The following CPQ variants were observed in gnomAD, a reference collection of about 807,000 sequenced individuals.
CPQ encodes carboxypeptidase Q.
Under a neutral mutation model 45.7 loss-of-function variants are expected in CPQ, and 37 were observed. The observed-to-expected ratio is 0.81, with a 90% CI of 0.62 to 1.07. The LOEUF (loss-of-function observed/expected upper bound fraction) is 1.07, where lower values mean the gene tolerates loss of function less well. Ranked by LOEUF, CPQ falls within the 50% of genes least tolerant of loss-of-function variation. The pLI is 0.00. For synonymous variants in CPQ, 186 were observed against 205.8 expected (o/e 0.90, Z 0.82); for missense variants, 537 against 572.9 (o/e 0.94, Z 0.64).
intron 1 of CPQ, among the ~76,000 whole-genome samples, chr8:96,723,406 G>T (rs1000770591): frequency 6.6e-6 from 1 of 152,132 alleles, no homozygotes. Context: ...ATGGAGTATT[G>T]TTATTTAGAG....
chr8:97,049,597 G>A (rs1171575095), intron 6 of CPQ, among the ~76,000 whole-genome samples: 1 of 152,156 alleles, frequency 6.6e-6, no homozygotes, highest in Non-Finnish European at 1.5e-5. Context: ...CATTGAGATG[G>A]GTTAGAAGGT....
At chr8:96,980,188 A>T (rs1197180629) in intron 5 of CPQ, among the ~76,000 whole-genome samples, 3 of 152,182 alleles carry the variant, frequency 2.0e-5, no homozygotes, top group Non-Finnish European at 4.4e-5. Context: ...GCTGGAGTGC[A>T]GTGGCACAAT....
intron 5 of CPQ, among the ~76,000 whole-genome samples, chr8:96,994,757 TG>T (rs1314943512): frequency 1.2e-4 from 18 of 152,092 alleles, no homozygotes. Flanking sequence ...GAGTAATTTT[TG>T]ATAGTACCCC....
At chr8:96,767,283 C>T (rs1810479532) in intron 1 of CPQ, among the ~76,000 whole-genome samples, 1 of 152,160 alleles carries the variant, frequency 6.6e-6, no homozygotes, top group Non-Finnish European at 1.5e-5. Flanking sequence ...TTCCTCACCT[C>T]ATTTCCCATA....
intron 2 of CPQ, among the ~76,000 whole-genome samples, chr8:96,825,613 A>G (rs1811369706): frequency 6.6e-6 from 1 of 152,070 alleles, no homozygotes. Flanking sequence ...TGAAATCCAG[A>G]AAATTTTCAT....
At chr8:96,933,311 C>T (rs1009658981) in intron 4 of CPQ, among the ~76,000 whole-genome samples, 1 of 152,170 alleles carries the variant, frequency 6.6e-6, no homozygotes, top group African/African-American at 2.4e-5. Flanking sequence ...CTGCTCTTCT[C>T]AGCAGCCCAG....
intron 4 of CPQ, among the ~76,000 whole-genome samples, chr8:96,908,525 G>A (rs1812610914): frequency 6.6e-6 from 1 of 152,134 alleles, no homozygotes; most frequent in African/African-American, 2.4e-5. Flanking sequence ...ACTGTGGCAT[G>A]AACTACAATG....
rs546239824 is a variant in CPQ, at chr8:96,779,615, G to A, written c.-34-5249G>A. 1.8e-3 allele frequency among the ~76,000 whole-genome samples: 277 copies of A among 152,202 alleles called. 2 individuals are homozygous for A. The highest frequency in any genetic ancestry group is 6.5e-3 in the African/African-American group (269 of 41,550). ...TAAGCTCTCTTTTATCTCTACAATGGTGTCATTATATGATTCTAATCCATC... is the reference window on the plus strand; with the variant it reads ...TAAGCTCTCTTTTATCTCTACAATGATGTCATTATATGATTCTAATCCATC... On this transcript the variant is annotated intron_variant, in intron 1 of 7. Coordinates refer to ENST00000220763, the MANE Select transcript of CPQ (RefSeq NM_016134.4).
At chr8:96,776,953 A>T (rs1341851047) in intron 1 of CPQ, among the ~76,000 whole-genome samples, 1 of 152,208 alleles carries the variant, frequency 6.6e-6, no homozygotes, top group Non-Finnish European at 1.5e-5. Flanking sequence ...CAAGTGAAGG[A>T]ACAATAACTT....
At chr8:96,941,751 G>C (rs1453752137) in intron 4 of CPQ, among the ~76,000 whole-genome samples, 1 of 152,072 alleles carries the variant, frequency 6.6e-6, no homozygotes, top group African/African-American at 2.4e-5. Flanking sequence ...ATATAACTGA[G>C]AACCATGATT....
intron 3 of CPQ, among the ~76,000 whole-genome samples, chr8:96,842,723 A>G (rs1291768831): frequency 6.6e-6 from 1 of 152,206 alleles, no homozygotes; most frequent in Non-Finnish European, 1.5e-5. Flanking sequence ...ATGCTTCCTC[A>G]TAATGGATAG....
At chr8:96,650,354 G>T (rs931483266) in intron 1 of CPQ, among the ~76,000 whole-genome samples, 4 of 152,258 alleles carry the variant, frequency 2.6e-5, no homozygotes, top group Non-Finnish European at 5.9e-5. Context: ...GTGTTCTCTT[G>T]ATATAGTGGT....
chr8:96,927,771 A>G (rs1812912017), intron 4 of CPQ, among the ~76,000 whole-genome samples: 1 of 152,158 alleles, frequency 6.6e-6, no homozygotes, highest in Non-Finnish European at 1.5e-5. Flanking sequence ...GAGGAATTTT[A>G]TACTCCAGGA....
chr8:97,137,883 G>A (rs902789810), intron 7 of CPQ, among the ~76,000 whole-genome samples: 1 of 148,676 alleles, frequency 6.7e-6, no homozygotes, highest in Non-Finnish European at 1.5e-5. Flanking sequence ...GCAAGACTCC[G>A]TCTCAAAAAA....
intron 1 of CPQ, among the ~76,000 whole-genome samples, chr8:96,686,308 C>T (rs369049805): frequency 1.3e-5 from 2 of 152,020 alleles, no homozygotes; most frequent in South Asian, 2.1e-4. Flanking sequence ...TTTCATTAAG[C>T]ATGACATGCT....
intron 2 of CPQ, among the ~76,000 whole-genome samples, chr8:96,806,146 C>T (rs1165253813): frequency 1.3e-5 from 2 of 152,122 alleles, no homozygotes; most frequent in Non-Finnish European, 2.9e-5. Context: ...GGGAATTTTG[C>T]TGCTGTTTTG....
At chr8:97,029,976 T>C (rs956970945) in intron 6 of CPQ, among the ~76,000 whole-genome samples, 1 of 152,154 alleles carries the variant, frequency 6.6e-6, no homozygotes, top group Non-Finnish European at 1.5e-5. Flanking sequence ...CCCAGGAATG[T>C]GGAGGACAGC....
intron 7 of CPQ, among the ~76,000 whole-genome samples, chr8:97,068,263 G>T (rs1810673513): frequency 6.6e-6 from 1 of 152,104 alleles, no homozygotes; most frequent in Non-Finnish European, 1.5e-5. Context: ...CTTTGCCATG[G>T]TTTAAGATGA....
chr8:96,957,234 G>A (rs558860175), intron 4 of CPQ, among the ~76,000 whole-genome samples: 236 of 152,288 alleles, frequency 1.5e-3, no homozygotes, highest in Non-Finnish European at 2.6e-3. Context: ...CCAGGGACAT[G>A]GCAGGCAGGA....
Sources: allele counts gnomAD v4.1 joint callset (sites outside exome capture counted in the v4.1 genomes callset), GRCh38; gene constraint gnomAD v4.1.1; transcripts MANE v1.5; gene names NCBI Gene and HGNC (gene_info 2026-07-23, HGNC 2026-07-21).